Variants in LINGO2 observed in about 807,000 individuals in gnomAD.
The protein encoded by LINGO2 is leucine rich repeat and Ig domain containing 2, also known as leucine-rich repeat and immunoglobulin-like domain-containing nogo receptor-interacting protein 2.
In LINGO2, 14 loss-of-function variants were observed where a neutral mutation model predicts 30.6. The observed-to-expected ratio is 0.46, with a 90% confidence interval of 0.30 to 0.72. The LOEUF is 0.72. Among genes scored for constraint, LINGO2 ranks in the 30% least tolerant of loss-of-function variants. The pLI, the probability that LINGO2 is intolerant of heterozygous loss-of-function variation, is 0.07. For missense variants in LINGO2, 729 were observed against 751.7 expected, an observed-to-expected ratio of 0.97 and a Z score of 0.35; for synonymous variants, 317 against 288.5, an observed-to-expected ratio of 1.10 and a Z score of -1.00.
intron 1 of LINGO2, among the ~76,000 whole-genome samples, chr9:28,662,257 C>T (rs1221792056): frequency 6.6e-6 from 1 of 152,098 alleles, no homozygotes; most frequent in African/African-American, 2.4e-5. Context: ...TTACCAGAGG[C>T]CTGCTGAGAT....
At chr9:28,375,131 CACATA>C (rs1166439296) in intron 2 of LINGO2, among the ~76,000 whole-genome samples, 20 of 129,008 alleles carry the variant, frequency 1.6e-4, no homozygotes, top group Admixed American at 3.8e-4. Context: ...CACACACACA[CACATA>C]CACCCCACAC....
the LINGO2 span, among the ~76,000 whole-genome samples, chr9:28,804,570 A>C: frequency 1.1e-3 from 67 of 60,984 alleles, no homozygotes; most frequent in Admixed American, 8.8e-3. Context: ...AAAACAAAAA[A>C]AAAACAGATC....
chr9:28,009,672 C>T (rs1245418373), intron 5 of LINGO2, among the ~76,000 whole-genome samples: 1 of 152,158 alleles, frequency 6.6e-6, no homozygotes, highest in East Asian at 1.9e-4. Flanking sequence ...AATACTACTT[C>T]ACATCTGCTA....
intron 1 of LINGO2, among the ~76,000 whole-genome samples, chr9:28,495,062 G>T (rs1819549514): frequency 6.6e-6 from 1 of 152,142 alleles, no homozygotes; most frequent in African/African-American, 2.4e-5. Flanking sequence ...TTTTGATGGG[G>T]TTGTTTGTTT....
chr9:28,875,834 T>C, the LINGO2 span, among the ~76,000 whole-genome samples: 1 of 152,312 alleles, frequency 6.6e-6, no homozygotes, highest in South Asian at 2.1e-4. Context: ...AACATACCTC[T>C]GGTTTTTCTA....
At chr9:28,482,319 A>C (rs1381897283) in intron 1 of LINGO2, among the ~76,000 whole-genome samples, 2 of 152,130 alleles carry the variant, frequency 1.3e-5, no homozygotes, top group East Asian at 3.9e-4. Context: ...CGCCATTCTA[A>C]CTGCTGTGAG....
intron 1 of LINGO2, among the ~76,000 whole-genome samples, chr9:28,589,723 T>G (rs1301618563): frequency 6.6e-6 from 1 of 151,966 alleles, no homozygotes; most frequent in Non-Finnish European, 1.5e-5. Flanking sequence ...ATGGCCATAC[T>G]GCCCAAGGTA....
rs905607554 is a variant in LINGO2, at chr9:28,221,649, T to C, written c.-87+73559A>G. Among the ~76,000 whole-genome samples the C allele has an allele frequency of 1.2e-4, 19 of 152,178 alleles. 1 individual carries two copies. The highest frequency in any genetic ancestry group is 4.6e-4 in the African/African-American group (19 of 41,452). On this transcript the variant is annotated intron_variant, in intron 4 of 5. Transcript: ENST00000379992. ...TTATAGACACTGAATTGCAACTGAA[T>C]TGCAGCTATTTTTAGACAAACGACA... is the stretch of plus-strand genomic sequence containing the variant.
chr9:28,548,871 T>A (rs1453961975), intron 1 of LINGO2, among the ~76,000 whole-genome samples: 10 of 151,990 alleles, frequency 6.6e-5, no homozygotes. Context: ...ATTAACTTTA[T>A]TCTTAAATAC....
At chr9:29,087,722 T>C in the LINGO2 span, among the ~76,000 whole-genome samples, 6 of 152,162 alleles carry the variant, frequency 3.9e-5, no homozygotes, top group East Asian at 5.8e-4. Flanking sequence ...ATGCCCAATA[T>C]AGGATTTTGG....
At chr9:28,224,457 A>G (rs1821079071) in intron 4 of LINGO2, among the ~76,000 whole-genome samples, 1 of 152,204 alleles carries the variant, frequency 6.6e-6, no homozygotes, top group African/African-American at 2.4e-5. Context: ...TTAAATCAGG[A>G]TAACTGGGAT....
rs772196503 is a variant in LINGO2 at position 27,950,485 on chromosome 9, C to T, written c.187G>A (p.Asp63Asn). The change falls in exon 6 of 6, where the codon GAC (aspartate) becomes AAC (asparagine). Residue 63 changes from aspartate (D) to asparagine (N), a missense_variant. By Grantham distance (23) the Asp-to-Asn change is conservative (BLOSUM62 1). Coordinates refer to ENST00000379992, the Ensembl canonical transcript of LINGO2. ...CTTTTTAGCCTGTTTTTACTGAGGTCCAAGATTTTGGTTTCGATGGGAATG... is the reference window on the plus strand; with the variant it reads ...CTTTTTAGCCTGTTTTTACTGAGGTTCAAGATTTTGGTTTCGATGGGAATG... 2.5e-6 allele frequency: 4 copies of T among 1,600,934 alleles called. No homozygotes were observed. In the African/African-American group the frequency reaches 4.0e-5, roughly 16 times the overall value.
chr9:28,959,246 C>A, the LINGO2 span, among the ~76,000 whole-genome samples: 2 of 151,948 alleles, frequency 1.3e-5, no homozygotes, highest in African/African-American at 4.8e-5. Flanking sequence ...ACGGTCTCAA[C>A]ATTAGAAGAT....
chr9:28,631,179 C>T (rs766028586), intron 1 of LINGO2, among the ~76,000 whole-genome samples: 1 of 151,396 alleles, frequency 6.6e-6, no homozygotes, highest in Non-Finnish European at 1.5e-5. Flanking sequence ...TTTTATTATA[C>T]TTTAAGTTCT....
chr9:28,982,653 A>G, the LINGO2 span, among the ~76,000 whole-genome samples: 1,080 of 152,186 alleles, frequency 7.1e-3, 18 homozygotes, highest in African/African-American at 0.025. Context: ...AAGCTTTCAC[A>G]ATAAATATAT....
At chr9:29,097,405 T>A in the LINGO2 span, among the ~76,000 whole-genome samples, 1 of 138,654 alleles carries the variant, frequency 7.2e-6, no homozygotes, top group African/African-American at 2.7e-5. Flanking sequence ...CATCTTCAAA[T>A]CTTTCCTTAA....
chr9:28,087,902 A>T (rs1825959927), intron 4 of LINGO2, among the ~76,000 whole-genome samples: 1 of 152,054 alleles, frequency 6.6e-6, no homozygotes, highest in Non-Finnish European at 1.5e-5. Flanking sequence ...TAGTACCAGT[A>T]AAAGAAACTC....
At chr9:28,366,371 C>G (rs1450113307) in intron 3 of LINGO2, among the ~76,000 whole-genome samples, 1 of 152,174 alleles carries the variant, frequency 6.6e-6, no homozygotes, top group Non-Finnish European at 1.5e-5. Context: ...TACCTGTGCC[C>G]TGGATAGCCA....
At chr9:28,087,943 A>G (rs1052856194) in intron 4 of LINGO2, among the ~76,000 whole-genome samples, 9 of 152,042 alleles carry the variant, frequency 5.9e-5, no homozygotes, top group Admixed American at 2.6e-4. Context: ...TCACTATAAT[A>G]TAATGACTCA....
Sources: gnomAD v4.1 joint callset for allele counts (sites outside exome capture counted in the v4.1 genomes callset) on GRCh38, gnomAD v4.1.1 for gene constraint, MANE v1.5 for transcripts, NCBI Gene and HGNC (gene_info 2026-07-23, HGNC 2026-07-21) for gene names.